Variants in ERBB4 observed in about 807,000 individuals in gnomAD.
ERBB4 encodes the protein receptor tyrosine-protein kinase erbB-4.
Under a neutral mutation model 158.0 loss-of-function variants are expected in ERBB4, and 42 were observed. The observed-to-expected ratio is 0.27, with a 90% confidence interval of 0.21 to 0.34. The LOEUF (loss-of-function observed/expected upper bound fraction) is 0.34. Ranked by LOEUF, ERBB4 falls within the 10% of genes least tolerant of loss-of-function variation. ERBB4 has a pLI of 1.00. For missense variants in ERBB4, 1,333 were observed against 1,624.1 expected (o/e 0.82, Z 3.08); for synonymous variants, 583 against 558.7 (o/e 1.04, Z -0.61).
intron 1 of ERBB4, among the ~76,000 whole-genome samples, chr2:212,375,337 A>G (rs986218288): frequency 1.3e-5 from 2 of 152,146 alleles, no homozygotes; most frequent in African/African-American, 4.8e-5. Flanking sequence ...TCAAAGAGTT[A>G]CATGTATAAC....
At chr2:212,005,171 G>C (rs1313902114) in intron 2 of ERBB4, among the ~76,000 whole-genome samples, 1 of 152,014 alleles carries the variant, frequency 6.6e-6, no homozygotes, top group South Asian at 2.1e-4. Flanking sequence ...TTTTTAAAAA[G>C]ATTTACGAAG....
intron 2 of ERBB4, among the ~76,000 whole-genome samples, chr2:211,985,601 A>C (rs2125240886): frequency 6.6e-6 from 1 of 152,262 alleles, no homozygotes; most frequent in Non-Finnish European, 1.5e-5. Context: ...AAGTCAGCGA[A>C]GTCACTGCAC....
At chr2:212,283,807 G>A (rs538670801) in intron 1 of ERBB4, among the ~76,000 whole-genome samples, 1 of 152,002 alleles carries the variant, frequency 6.6e-6, no homozygotes, top group African/African-American at 2.4e-5. Flanking sequence ...ACATACCACA[G>A]TGAAGAGTTG....
chr2:212,522,158 T>C (rs1264069730), intron 1 of ERBB4, among the ~76,000 whole-genome samples: 1 of 152,030 alleles, frequency 6.6e-6, no homozygotes, highest in African/African-American at 2.4e-5. Flanking sequence ...TAGGCATTGC[T>C]GATCAGCCAC....
intron 1 of ERBB4, among the ~76,000 whole-genome samples, chr2:212,394,266 T>G (rs2090960062): frequency 6.6e-6 from 1 of 152,110 alleles, no homozygotes; most frequent in Non-Finnish European, 1.5e-5. Flanking sequence ...GTTTGGATAA[T>G]TTAAAATAAT....
At chr2:212,000,644 C>G (rs529655663) in intron 2 of ERBB4, among the ~76,000 whole-genome samples, 3 of 151,764 alleles carry the variant, frequency 2.0e-5, no homozygotes, top group African/African-American at 7.2e-5. Context: ...GAAAAATTCT[C>G]CTATAGCTGA....
At chr2:212,451,922 A>G (rs190984605) in intron 1 of ERBB4, among the ~76,000 whole-genome samples, 1 of 152,144 alleles carries the variant, frequency 6.6e-6, no homozygotes, top group East Asian at 1.9e-4. Context: ...AGGTTGCATC[A>G]CCAGAGAAAG....
intron 16 of ERBB4, among the ~76,000 whole-genome samples, chr2:211,637,117 T>C (rs1474294630): frequency 2.6e-5 from 4 of 151,972 alleles, no homozygotes; most frequent in Non-Finnish European, 5.9e-5. Flanking sequence ...GCCATCATCC[T>C]ATATCCTATC....
At chr2:212,223,860 T>C (rs958827880) in intron 1 of ERBB4, among the ~76,000 whole-genome samples, 26 of 151,862 alleles carry the variant, frequency 1.7e-4, no homozygotes, top group Non-Finnish European at 3.4e-4. Context: ...AGTGTTTGAA[T>C]TTAGTCAAAG....
intron 20 of ERBB4, among the ~76,000 whole-genome samples, chr2:211,547,144 A>T (rs905484756): frequency 2.0e-5 from 3 of 152,144 alleles, no homozygotes; most frequent in African/African-American, 7.2e-5. Flanking sequence ...CTGCACTTAT[A>T]GTTATACAAG....
rs188155729 is a variant in ERBB4 at position 211,898,146 on chromosome 2, C to T, written c.421+49284G>A. Among the ~76,000 whole-genome samples the T allele has an allele frequency of 3.5e-3, 532 of 151,922 alleles. 2 individuals are homozygous for T. The highest frequency in any genetic ancestry group is 6.5e-3 in the African/African-American group (270 of 41,482). On this transcript the variant is annotated intron_variant, in intron 3 of 27. Transcript: ENST00000342788. ...ATTTTAAGAGTTAGTCAGTAGCTTTCGAAAGCCTAAAAAAGATATTATAAT... is the reference window on the plus strand; with the variant it reads ...ATTTTAAGAGTTAGTCAGTAGCTTTTGAAAGCCTAAAAAAGATATTATAAT...
chr2:211,544,070 C>T (rs928145501), intron 20 of ERBB4, among the ~76,000 whole-genome samples: 2 of 151,898 alleles, frequency 1.3e-5, no homozygotes, highest in Non-Finnish European at 2.9e-5. Context: ...CATAGATTCA[C>T]ATGGATTATA....
chr2:211,587,794 A>G (rs565004329), intron 19 of ERBB4, among the ~76,000 whole-genome samples: 5 of 152,306 alleles, frequency 3.3e-5, no homozygotes, highest in Admixed American at 2.6e-4. Flanking sequence ...AACCTCTATG[A>G]AAGGTAACCT....
intron 25 of ERBB4, among the ~76,000 whole-genome samples, chr2:211,404,538 C>T (rs73985426): frequency 1.3e-5 from 2 of 152,230 alleles, no homozygotes; most frequent in African/African-American, 2.4e-5. Flanking sequence ...AGAAAATTTA[C>T]TACTTGTTAT....
At chr2:211,569,656 T>C (rs1343883064) in intron 19 of ERBB4, among the ~76,000 whole-genome samples, 2 of 152,144 alleles carry the variant, frequency 1.3e-5, no homozygotes, top group African/African-American at 4.8e-5. Flanking sequence ...ATATAAATAC[T>C]TGGAAAGAGC....
chr2:211,917,390 A>G (rs573833993), intron 3 of ERBB4, among the ~76,000 whole-genome samples: 18 of 152,296 alleles, frequency 1.2e-4, no homozygotes, highest in Non-Finnish European at 5.9e-5. Flanking sequence ...GGGGAGAAAT[A>G]CTATCTCATA....
At chr2:212,438,827 G>C (rs1002341136) in intron 1 of ERBB4, among the ~76,000 whole-genome samples, 1 of 152,042 alleles carries the variant, frequency 6.6e-6, no homozygotes, top group African/African-American at 2.4e-5. Context: ...TGTATAGCAA[G>C]AGCCATTACA....
At chr2:211,840,962 A>G (rs750776605) in intron 3 of ERBB4, among the ~76,000 whole-genome samples, 6 of 152,044 alleles carry the variant, frequency 3.9e-5, no homozygotes, top group Non-Finnish European at 7.4e-5. Context: ...AATAAAATGT[A>G]TTTTTTCTAC....
chr2:212,151,620 G>A lies in ERBB4; in HGVS notation c.83-26717C>T, dbSNP rs189337239. 2.0e-4 allele frequency among the ~76,000 whole-genome samples: 30 copies of A among 152,222 alleles called. No individual in the cohort carries two copies. The East Asian group carries it at 4.8e-3, about 24-fold the overall frequency. On this transcript the variant is annotated intron_variant, in intron 1 of 27. Transcript: ENST00000342788. ...AAAATGGTCCATGGCTGGGCATGGT[G>A]GCTCGCGCCTGTAATCCCAGCACTT...
Sources: allele counts gnomAD v4.1 joint callset (sites outside exome capture counted in the v4.1 genomes callset), GRCh38; gene constraint gnomAD v4.1.1; transcripts MANE v1.5; gene names NCBI Gene and HGNC (gene_info 2026-07-23, HGNC 2026-07-21).